Variants in DCDC2 observed in about 807,000 individuals in gnomAD.
DCDC2 encodes the protein doublecortin domain-containing protein 2.
Under a neutral mutation model 50.2 loss-of-function variants are expected in DCDC2, and 40 were observed. That is an observed-to-expected ratio of 0.80 (90% confidence interval 0.62 to 1.04). The LOEUF is 1.04. Among genes scored for constraint, DCDC2 ranks in the 50% least tolerant of loss-of-function variants. DCDC2 has a pLI of 0.00. For missense variants in DCDC2, 570 were observed against 581.9 expected (o/e 0.98, Z 0.21); for synonymous variants, 234 against 210.6 (o/e 1.11, Z -0.96).
intron 4 of DCDC2, among the ~76,000 whole-genome samples, chr6:24,294,553 A>T (rs915587324): frequency 4.6e-5 from 7 of 152,030 alleles, no homozygotes; most frequent in African/African-American, 1.4e-4. Context: ...AAAAAAAATT[A>T]ATAAGATACA....
At chr6:24,210,287 T>C (rs2792674) in intron 7 of DCDC2, among the ~76,000 whole-genome samples, 150,926 of 152,258 alleles carry the variant, frequency 0.99, 74,812 homozygotes, top group East Asian at 1. Flanking sequence ...TATTCAGCCT[T>C]GACCTCTTTA....
At chr6:24,190,394 G>A (rs997700515) in intron 8 of DCDC2, among the ~76,000 whole-genome samples, 1 of 152,128 alleles carries the variant, frequency 6.6e-6, no homozygotes. Flanking sequence ...TGGGGGAGAG[G>A]GGGAGGGATA....
chr6:24,276,457 G>C (rs1157928326), intron 7 of DCDC2, among the ~76,000 whole-genome samples: 1 of 151,110 alleles, frequency 6.6e-6, no homozygotes, highest in Non-Finnish European at 1.5e-5. Flanking sequence ...CCTGTTTCAT[G>C]ATGGGTATTA....
At chr6:24,220,306 A>C (rs950122091) in intron 7 of DCDC2, among the ~76,000 whole-genome samples, 3 of 152,258 alleles carry the variant, frequency 2.0e-5, no homozygotes, top group Non-Finnish European at 4.4e-5. Context: ...TTGCACAATA[A>C]AAATAGTAAA....
intron 8 of DCDC2, among the ~76,000 whole-genome samples, chr6:24,190,393 G>T (rs139341558): frequency 1.3e-5 from 2 of 152,134 alleles, no homozygotes; most frequent in African/African-American, 4.8e-5. Flanking sequence ...TTGGGGGAGA[G>T]GGGGAGGGAT....
intron 7 of DCDC2, chr6:24,205,415 A>C: frequency 7.8e-7 from 1 of 1,279,362 alleles, no homozygotes; most frequent in Non-Finnish European, 1.0e-6. Flanking sequence ...GAAGAAATTC[A>C]CAAGTATCAT....
chr6:24,185,203 CT>C, intron 8 of DCDC2, among the ~76,000 whole-genome samples: 1 of 152,042 alleles, frequency 6.6e-6, no homozygotes, highest in Non-Finnish European at 1.5e-5. Context: ...TAATTTCTTT[CT>C]AGGAAAGAAG....
chr6:24,214,071 C>G (rs1320487246), intron 7 of DCDC2, among the ~76,000 whole-genome samples: 1 of 152,148 alleles, frequency 6.6e-6, no homozygotes, highest in African/African-American at 2.4e-5. Context: ...ATATTTTTCT[C>G]TGGCAATTTT....
At chr6:24,266,677 A>G (rs1763128722) in intron 7 of DCDC2, among the ~76,000 whole-genome samples, 1 of 152,162 alleles carries the variant, frequency 6.6e-6, no homozygotes, top group African/African-American at 2.4e-5. Context: ...ATGCTGGCAA[A>G]GATGTAGAGA....
the DCDC2 span, among the ~76,000 whole-genome samples, chr6:24,368,623 AAAT>A: frequency 6.6e-6 from 1 of 152,156 alleles, no homozygotes; most frequent in Non-Finnish European, 1.5e-5. Flanking sequence ...AATGAGTACA[AAAT>A]GAGAGCGTTT....
intron 7 of DCDC2, among the ~76,000 whole-genome samples, chr6:24,274,297 T>A (rs1262329487): frequency 6.6e-6 from 1 of 152,102 alleles, no homozygotes; most frequent in African/African-American, 2.4e-5. Flanking sequence ...TCATCCAAAA[T>A]GCTATTTCAA....
At chr6:24,292,003 T>C (rs1223896373) in intron 4 of DCDC2, among the ~76,000 whole-genome samples, 1 of 152,134 alleles carries the variant, frequency 6.6e-6, no homozygotes, top group Non-Finnish European at 1.5e-5. Context: ...TTCTTTTTTT[T>C]TGCCGTCCCT....
At chr6:24,282,600 C>T (rs1255519323) in intron 6 of DCDC2, among the ~76,000 whole-genome samples, 4 of 152,138 alleles carry the variant, frequency 2.6e-5, no homozygotes, top group Non-Finnish European at 5.9e-5. Flanking sequence ...ATCCAACCAA[C>T]TCAGGTTTTT....
intron 2 of DCDC2, among the ~76,000 whole-genome samples, chr6:24,346,358 C>T (rs1163661774): frequency 6.6e-6 from 1 of 152,040 alleles, no homozygotes; most frequent in Non-Finnish European, 1.5e-5. Context: ...GCATATAAGG[C>T]CAAGGTATTT....
chr6:24,196,621 C>T (rs183700602), intron 8 of DCDC2, among the ~76,000 whole-genome samples: 137 of 152,200 alleles, frequency 9.0e-4, no homozygotes, highest in African/African-American at 3.2e-3. Context: ...CAGGTTTCAC[C>T]GTGTTGGCCA....
At chr6:24,245,982 G>A (rs1020171647) in intron 7 of DCDC2, among the ~76,000 whole-genome samples, 1 of 152,074 alleles carries the variant, frequency 6.6e-6, no homozygotes, top group African/African-American at 2.4e-5. Flanking sequence ...TGAGAGGATA[G>A]ATTTTTTATT....
intron 4 of DCDC2, among the ~76,000 whole-genome samples, chr6:24,293,576 A>G (rs1763798071): frequency 6.6e-6 from 1 of 152,236 alleles, no homozygotes; most frequent in Non-Finnish European, 1.5e-5. Flanking sequence ...AGACTCCCAC[A>G]TAATAGTGGG....
At chr6:24,189,630 T>C (rs1283097150) in intron 8 of DCDC2, among the ~76,000 whole-genome samples, 1 of 152,306 alleles carries the variant, frequency 6.6e-6, no homozygotes, top group South Asian at 2.1e-4. Flanking sequence ...GCATATACTA[T>C]CATAAATAAC....
chr6:24,308,493 A>C (rs1477508299), intron 2 of DCDC2, among the ~76,000 whole-genome samples: 1 of 152,240 alleles, frequency 6.6e-6, no homozygotes, highest in Non-Finnish European at 1.5e-5. Context: ...TTAAATTTCT[A>C]TAAGTTTTAT....
Sources: gnomAD v4.1 joint callset for allele counts (sites outside exome capture counted in the v4.1 genomes callset) on GRCh38, gnomAD v4.1.1 for gene constraint, MANE v1.5 for transcripts, NCBI Gene and HGNC (gene_info 2026-07-23, HGNC 2026-07-21) for gene names.